The following BPIFC variants were observed in gnomAD, a reference collection of about 807,000 sequenced individuals.
BPIFC encodes BPI fold containing family C, also known as BPI fold-containing family C protein.
A neutral mutation model predicts 57.6 loss-of-function variants in BPIFC; 60 were observed. The ratio of observed to expected loss-of-function variants is 1.04; its 90% CI spans 0.85 to 1.29. The LOEUF (loss-of-function observed/expected upper bound fraction) is 1.29. Ranked by LOEUF, BPIFC falls within the 50% of genes most tolerant of loss-of-function variation. The probability of loss-of-function intolerance (pLI) is 0.00; values close to 1 mark genes in which losing one functional copy is unlikely to be tolerated. For synonymous variants in BPIFC, 243 were observed against 224.5 expected (o/e 1.08, Z -0.74); for missense variants, 581 against 600.5 (o/e 0.97, Z 0.34).
chr22:32,454,060 A>G (rs964445176), intron 3 of BPIFC, among the ~76,000 whole-genome samples: 2 of 152,222 alleles, frequency 1.3e-5, no homozygotes, highest in African/African-American at 2.4e-5. Context: ...GCAGTAAGCC[A>G]TGATTGCACC....
chr22:32,444,159 G>A (rs1176719229), intron 7 of BPIFC, among the ~76,000 whole-genome samples: 2 of 152,210 alleles, frequency 1.3e-5, no homozygotes, highest in Non-Finnish European at 2.9e-5. Context: ...CTGGCCTCCT[G>A]TCAGAGGCAA....
At chr22:32,436,578 T>C (rs1934409993) in intron 9 of BPIFC, among the ~76,000 whole-genome samples, 1 of 152,212 alleles carries the variant, frequency 6.6e-6, no homozygotes, top group Non-Finnish European at 1.5e-5. Context: ...GCTCTTAGGA[T>C]TCTTGAGCAT....
rs1466103470 is a variant in BPIFC, at chr22:32,435,786, C to G, written c.842G>C (p.Gly281Ala). The change falls in exon 10 of 17, where the codon GGA becomes GCA. Residue 281 changes from glycine (G) to alanine (A), a missense_variant. Transcript: ENST00000300399. ...AGATTTAAAGAAATACTCGGCGATT[C>G]CAATGTAGAGCATGGAGTTGCTGCG... ...PERSNSMLYI[G>A]IAEYFFKSAS... The G allele has an allele frequency of 1.2e-6, 2 of 1,614,110 alleles. No homozygotes were observed. Among genetic ancestry groups the G allele is most frequent in the South Asian group, 2.2e-5 (2 of 91,076 alleles).
At position 32,432,581 on chromosome 22, in the gene BPIFC, C is replaced by T. The variant is rs777156273; in HGVS notation, c.979-38G>A. 3.1e-5 allele frequency: 50 copies of T among 1,600,146 alleles called. 1 individual carries two copies. In the South Asian group the frequency reaches 4.9e-4, roughly 16 times the overall value. On this transcript the variant is annotated intron_variant, in intron 11 of 16. Transcript: ENST00000300399. Reference sequence around the variant, plus strand: ...CGAGAAAGAAATAAAGATTGTGAGGCGTGAGTTGGTGAAGGGAGATCACAA... The same window carrying T: ...CGAGAAAGAAATAAAGATTGTGAGGTGTGAGTTGGTGAAGGGAGATCACAA...
chr22:32,441,959 A>T (rs1342805166), intron 8 of BPIFC, among the ~76,000 whole-genome samples: 1 of 152,202 alleles, frequency 6.6e-6, no homozygotes, highest in Non-Finnish European at 1.5e-5. Context: ...TCGCACTCCT[A>T]TGAGAATCTA....
chr22:32,462,156 G>A (rs1351253020), intron 1 of BPIFC, among the ~76,000 whole-genome samples: 2 of 103,260 alleles, frequency 1.9e-5, no homozygotes, highest in Non-Finnish European at 3.6e-5. Flanking sequence ...GCGACAGAGC[G>A]AGACTCCATC....
rs1316917578 is a variant in BPIFC, at chr22:32,445,982, C to T, written c.389G>A (p.Gly130Glu). The change falls in exon 6 of 17, where the codon GGG becomes GAG. Residue 130 changes from glycine to glutamate, a missense_variant. Coordinates refer to ENST00000300399, the MANE Select transcript of BPIFC (RefSeq NM_174932.3). Reference sequence around the variant, plus strand: ...GACTCCGGAGAGAAACAGATCAGCCCCTCCTGTGTCTTGGCTGTTTAAAGA... The same window carrying T: ...GACTCCGGAGAGAAACAGATCAGCCTCTCCTGTGTCTTGGCTGTTTAAAGA... ...FESPLFQDTGGADLFLSGVYF... is the reference protein window; with the variant it reads ...FESPLFQDTGEADLFLSGVYF... The T allele has an allele frequency of 8.1e-6, 13 of 1,614,078 alleles. No individual in the cohort carries two copies. Among genetic ancestry groups the T allele is most frequent in the Non-Finnish European group, 1.1e-5 (13 of 1,179,972 alleles).
At chr22:32,462,852 T>A (rs897746986) in intron 1 of BPIFC, among the ~76,000 whole-genome samples, 2 of 152,246 alleles carry the variant, frequency 1.3e-5, no homozygotes, top group African/African-American at 4.8e-5. Context: ...TTACTCAATT[T>A]TTTTTATTAC....
chr22:32,463,465 GT>G (rs546452169), intron 1 of BPIFC, among the ~76,000 whole-genome samples: 29 of 152,286 alleles, frequency 1.9e-4, no homozygotes, highest in African/African-American at 7.0e-4. Context: ...AATGGTCCTT[GT>G]GTGAGTCATC....
In BPIFC at chr22:32,424,686, CT is replaced by C. The variant is rs1334747725; in HGVS notation, c.1218-5283del. ...TCTTCTTCTTCTTCTTCTTCTTCTTCTTCTTCCTCTTCTTCTTCCTCTTCTT... is the reference window on the plus strand; with the variant it reads ...TCTTCTTCTTCTTCTTCTTCTTCTTCTCTTCCTCTTCTTCTTCCTCTTCTT... On this transcript the variant is annotated intron_variant, in intron 13 of 16. Transcript: ENST00000300399. Among the ~76,000 whole-genome samples, 47 of 93,798 alleles carry C rather than the reference CT, an allele frequency of 5.0e-4. 4 individuals are homozygous for C. Among genetic ancestry groups the C allele is most frequent in the Non-Finnish European group, 7.2e-4 (37 of 51,430 alleles). 61.5% of individuals were successfully genotyped at this position (93,798 alleles called of 152,430 possible). A position where few individuals can be genotyped will look rare whatever the true frequency, so the allele number is the denominator to read the frequency against.
chr22:32,443,024 C>A (rs904141757), intron 7 of BPIFC, among the ~76,000 whole-genome samples: 10 of 152,138 alleles, frequency 6.6e-5, no homozygotes, highest in African/African-American at 2.2e-4. Flanking sequence ...ATAGGGCATG[C>A]GTCCCAGTCC....
intron 4 of BPIFC, among the ~76,000 whole-genome samples, chr22:32,452,172 G>A (rs567980208): frequency 7.2e-5 from 11 of 152,146 alleles, no homozygotes; most frequent in Non-Finnish European, 1.3e-4. Context: ...AAAGGGTTGG[G>A]ATTACACGTG....
At chr22:32,428,383 C>G (rs1001480035) in intron 13 of BPIFC, among the ~76,000 whole-genome samples, 5 of 151,806 alleles carry the variant, frequency 3.3e-5, no homozygotes, top group African/African-American at 1.2e-4. Context: ...ATCCATTCAC[C>G]TTGGCCTCCC....
intron 3 of BPIFC, among the ~76,000 whole-genome samples, chr22:32,453,758 T>A (rs1047425684): frequency 6.6e-6 from 1 of 152,176 alleles, no homozygotes; most frequent in Non-Finnish European, 1.5e-5. Flanking sequence ...TAAAGAGTTT[T>A]ATCACAGAAC....
intron 4 of BPIFC, among the ~76,000 whole-genome samples, chr22:32,450,515 T>C (rs1174519716): frequency 6.6e-6 from 1 of 152,196 alleles, no homozygotes; most frequent in Non-Finnish European, 1.5e-5. Flanking sequence ...AAATTAATTT[T>C]CTTAATATAT....
chr22:32,431,118 C>CTTTTTTTTTT (rs531325756), intron 13 of BPIFC, among the ~76,000 whole-genome samples: 1 of 138,792 alleles, frequency 7.2e-6, no homozygotes, highest in African/African-American at 2.6e-5. Context: ...GTTAACGTCC[C>CTTTTTTTTTT]TTTTTTTTTT....
intron 7 of BPIFC, 144 bp from the exon 8 acceptor site, chr22:32,442,875 T>C (rs1934604018): frequency 5.2e-6 from 4 of 771,720 alleles, no homozygotes; most frequent in Non-Finnish European, 8.4e-6. Flanking sequence ...CTTAAATTTG[T>C]TGATGTCTAT....
intron 13 of BPIFC, among the ~76,000 whole-genome samples, chr22:32,431,113 C>T (rs1443345208): frequency 2.0e-5 from 3 of 147,784 alleles, no homozygotes; most frequent in South Asian, 2.1e-4. Flanking sequence ...CAATGGTTAA[C>T]GTCCCTTTTT....
chr22:32,461,793 A>C (rs1935165198), intron 1 of BPIFC, 132 bp from the exon 2 acceptor site: 1 of 234,260 alleles, frequency 4.3e-6, no homozygotes, highest in African/African-American at 2.3e-5. Flanking sequence ...CAAACTGAAA[A>C]GCAGTCTTGC....
Sources: allele counts gnomAD v4.1 joint callset (sites outside exome capture counted in the v4.1 genomes callset), GRCh38; gene constraint gnomAD v4.1.1; transcripts MANE v1.5; gene names NCBI Gene and HGNC (gene_info 2026-07-23, HGNC 2026-07-21).